Variants in SUPT3H observed in about 807,000 individuals in gnomAD.
The protein encoded by SUPT3H is transcription initiation protein SPT3 homolog.
A neutral mutation model predicts 44.3 loss-of-function variants in SUPT3H; 44 were observed. The observed-to-expected ratio is 0.99, with a 90% CI of 0.78 to 1.28. The LOEUF (loss-of-function observed/expected upper bound fraction) is 1.28. SUPT3H is among the 50% of genes most tolerant of loss of function. The pLI, the probability that SUPT3H is intolerant of heterozygous loss-of-function variation, is 0.00. For synonymous variants in SUPT3H, 124 were observed against 125.6 expected (o/e 0.99, Z 0.09); for missense variants, 380 against 387.1 (o/e 0.98, Z 0.15).
chr6:44,832,381 C>G (rs1768969105), intron 10 of SUPT3H, among the ~76,000 whole-genome samples: 1 of 152,142 alleles, frequency 6.6e-6, no homozygotes, highest in South Asian at 2.1e-4. Context: ...AGTTCTGTAT[C>G]TATCTTTACA....
chr6:45,278,273 C>T (rs1777358370), intron 2 of SUPT3H, among the ~76,000 whole-genome samples: 1 of 151,914 alleles, frequency 6.6e-6, no homozygotes, highest in African/African-American at 2.4e-5. Flanking sequence ...GCACATGTAT[C>T]CCAGAACTAA....
intron 5 of SUPT3H, among the ~76,000 whole-genome samples, chr6:45,011,481 T>C (rs1369006204): frequency 6.6e-6 from 1 of 152,092 alleles, no homozygotes; most frequent in African/African-American, 2.4e-5. Flanking sequence ...CTGGTTCTTT[T>C]CATTTCTTTC....
chr6:45,322,922 C>A (rs749283294), intron 2 of SUPT3H: 2 of 1,612,650 alleles, frequency 1.2e-6, no homozygotes, highest in South Asian at 2.2e-5. Flanking sequence ...ACCATGAGTC[C>A]ATGGAGAAAA....
rs569940205 is a variant in SUPT3H, at chr6:45,137,515, A to G, written c.102-31509T>C. Among the ~76,000 whole-genome samples, 7 of 152,120 alleles carry G rather than the reference A, an allele frequency of 4.6e-5. No homozygotes were observed. The East Asian group carries it at 7.7e-4, about 17-fold the overall frequency. ...ATATACCAATGTAATCTATATGACC[A>G]TAACAGAACAAAAAAGAGAAGGAGA... On this transcript the variant is annotated intron_variant, in intron 2 of 10. Coordinates refer to ENST00000371459, the MANE Select transcript of SUPT3H (RefSeq NM_003599.4).
chr6:44,843,860 A>G (rs1378854764), intron 10 of SUPT3H, among the ~76,000 whole-genome samples: 1 of 151,896 alleles, frequency 6.6e-6, no homozygotes, highest in Non-Finnish European at 1.5e-5. Flanking sequence ...GTAGAAAGTG[A>G]TAAACTGATT....
intron 3 of SUPT3H, among the ~76,000 whole-genome samples, chr6:45,050,572 C>G (rs1790124211): frequency 6.6e-6 from 1 of 152,032 alleles, no homozygotes; most frequent in South Asian, 2.1e-4. Context: ...CTAAAATGTT[C>G]TTGGTCTCCA....
In SUPT3H at chr6:45,045,212, C is replaced by G. The variant is rs140722141; in HGVS notation, c.187-24580G>C. ...TTCAAGAAACCAGCTGGAAGACCAC[C>G]CAGAGAATCCTAGAAGACCATCAGT... On this transcript the variant is annotated intron_variant, in intron 3 of 10. Coordinates refer to ENST00000371459, the MANE Select transcript of SUPT3H (RefSeq NM_003599.4). Among the ~76,000 whole-genome samples, 120 of 152,154 alleles carry G rather than the reference C, an allele frequency of 7.9e-4. 1 individual carries two copies. The highest frequency in any genetic ancestry group is 2.1e-3 in the African/African-American group (89 of 41,496).
intron 10 of SUPT3H, among the ~76,000 whole-genome samples, chr6:44,877,642 G>A (rs890618900): frequency 2.0e-5 from 3 of 152,118 alleles, no homozygotes; most frequent in Non-Finnish European, 4.4e-5. Flanking sequence ...GGTAGGAACA[G>A]TTTATGTGTG....
chr6:45,063,507 C>T (rs1445668724), intron 3 of SUPT3H, among the ~76,000 whole-genome samples: 1 of 121,876 alleles, frequency 8.2e-6, no homozygotes, highest in African/African-American at 3.0e-5. Context: ...GATCAAATTA[C>T]TCTGAGCTAT....
At chr6:45,136,216 A>C (rs1018909326) in intron 2 of SUPT3H, among the ~76,000 whole-genome samples, 3 of 152,146 alleles carry the variant, frequency 2.0e-5, no homozygotes, top group Admixed American at 2.0e-4. Context: ...CAGAAGAAAA[A>C]CCCAGAAAGT....
At chr6:45,037,541 G>A (rs1787865261) in intron 3 of SUPT3H, among the ~76,000 whole-genome samples, 1 of 151,472 alleles carries the variant, frequency 6.6e-6, no homozygotes, top group Non-Finnish European at 1.5e-5. Flanking sequence ...ATGCATTCCT[G>A]TAATCCCAGC....
rs187246233 is a variant in SUPT3H, at chr6:45,114,047, A to T, written c.102-8041T>A. ...ATATGTGAAGATATATAAAAAGCAAAATTAAATTATTTATGATATAAAATA... is the reference window on the plus strand; with the variant it reads ...ATATGTGAAGATATATAAAAAGCAATATTAAATTATTTATGATATAAAATA... On this transcript the variant is annotated intron_variant, in intron 2 of 10. Transcript: ENST00000371459. Among the ~76,000 whole-genome samples the T allele has an allele frequency of 6.3e-3, 962 of 152,086 alleles. 18 individuals carry two copies. The highest frequency in any genetic ancestry group is 0.022 in the African/African-American group (909 of 41,534).
chr6:45,135,434 T>C (rs1416877909), intron 2 of SUPT3H, among the ~76,000 whole-genome samples: 2 of 152,146 alleles, frequency 1.3e-5, no homozygotes, highest in African/African-American at 4.8e-5. Flanking sequence ...TAAATTAAAT[T>C]ATTTATCTCT....
intron 10 of SUPT3H, among the ~76,000 whole-genome samples, chr6:44,920,341 G>T (rs1232539512): frequency 6.6e-6 from 1 of 152,130 alleles, no homozygotes; most frequent in Non-Finnish European, 1.5e-5. Flanking sequence ...GGAGGCCAAG[G>T]CAGGAGGATT....
At chr6:45,147,394 C>T (rs1554263281) in intron 2 of SUPT3H, among the ~76,000 whole-genome samples, 1 of 151,942 alleles carries the variant, frequency 6.6e-6, no homozygotes, top group Non-Finnish European at 1.5e-5. Context: ...TCCTTCCTTC[C>T]TTCATTCATT....
intron 10 of SUPT3H, among the ~76,000 whole-genome samples, chr6:44,832,651 G>T (rs620222): frequency 0.98 from 149,936 of 152,224 alleles, 73,894 homozygotes; most frequent in East Asian, 1. Context: ...TACTTAATGT[G>T]TTTAAGGCCC....
At chr6:45,019,677 T>G (rs1336416455) in intron 4 of SUPT3H, among the ~76,000 whole-genome samples, 1 of 151,974 alleles carries the variant, frequency 6.6e-6, no homozygotes, top group Non-Finnish European at 1.5e-5. Context: ...CTTCAATAGT[T>G]TCTTTGCATC....
chr6:44,891,343 T>C (rs958085109), intron 10 of SUPT3H, among the ~76,000 whole-genome samples: 8 of 152,052 alleles, frequency 5.3e-5, no homozygotes, highest in Non-Finnish European at 1.0e-4. Flanking sequence ...TTATTCACAA[T>C]AGCCAATAGA....
chr6:45,086,608 A>G (rs950621592), intron 3 of SUPT3H, among the ~76,000 whole-genome samples: 7 of 151,916 alleles, frequency 4.6e-5, no homozygotes, highest in African/African-American at 1.7e-4. Context: ...GATTTTAAGA[A>G]TCTTGGTTTT....
Sources: allele counts gnomAD v4.1 joint callset (sites outside exome capture counted in the v4.1 genomes callset), GRCh38; gene constraint gnomAD v4.1.1; transcripts MANE v1.5; gene names NCBI Gene and HGNC (gene_info 2026-07-23, HGNC 2026-07-21).